SYT9: variants seen among roughly 807,000 people sequenced by gnomAD.
SYT9 encodes the protein synaptotagmin 9.
A neutral mutation model predicts 48.4 loss-of-function variants in SYT9; 22 were observed. The ratio of observed to expected loss-of-function variants is 0.45; its 90% confidence interval spans 0.32 to 0.65. SYT9 has a LOEUF of 0.65. Among genes scored for constraint, SYT9 ranks in the 30% least tolerant of loss-of-function variants. SYT9 has a pLI of 0.03. For synonymous variants in SYT9, 265 were observed against 245.0 expected, an observed-to-expected ratio of 1.08 and a Z score of -0.76; for missense variants, 577 against 622.0, an observed-to-expected ratio of 0.93 and a Z score of 0.77.
chr11:7,305,803 C>T (rs1057032126), intron 2 of SYT9, among the ~76,000 whole-genome samples: 1 of 152,120 alleles, frequency 6.6e-6, no homozygotes, highest in Non-Finnish European at 1.5e-5. Flanking sequence ...TCCCAGTGCA[C>T]GAAAGACACA....
chr11:7,391,755 A>AAAAAAAAAAAAAAAAAAAAAAAAC (rs1424552011), intron 3 of SYT9, among the ~76,000 whole-genome samples: 1 of 147,666 alleles, frequency 6.8e-6, no homozygotes, highest in Non-Finnish European at 1.5e-5. Context: ...AAAAAAAAAA[A>AAAAAAAAAAAAAAAAAAAAAAAAC]AAAAAAAAAA....
At chr11:7,421,563 G>A (rs1564898137) in intron 6 of SYT9, among the ~76,000 whole-genome samples, 1 of 152,108 alleles carries the variant, frequency 6.6e-6, no homozygotes, top group Non-Finnish European at 1.5e-5. Context: ...GAGTCAACCG[G>A]CCATCATTCT....
intron 1 of SYT9, among the ~76,000 whole-genome samples, chr11:7,294,245 G>A (rs778877241): frequency 6.6e-6 from 1 of 152,062 alleles, no homozygotes; most frequent in Non-Finnish European, 1.5e-5. Context: ...TATGAATTTG[G>A]GGGGGACACA....
At chr11:7,394,058 C>T (rs1379779979) in intron 3 of SYT9, among the ~76,000 whole-genome samples, 1 of 151,594 alleles carries the variant, frequency 6.6e-6, no homozygotes, top group Non-Finnish European at 1.5e-5. Flanking sequence ...TGTGCTGCAC[C>T]CATTAACTCA....
chr11:7,337,177 AT>A (rs1849644666), intron 3 of SYT9, among the ~76,000 whole-genome samples: 1 of 151,832 alleles, frequency 6.6e-6, no homozygotes, highest in African/African-American at 2.4e-5. Flanking sequence ...AATGTTAGTG[AT>A]TTTTATATGT....
At chr11:7,338,300 A>T (rs1013800731) in intron 3 of SYT9, among the ~76,000 whole-genome samples, 26 of 152,238 alleles carry the variant, frequency 1.7e-4, no homozygotes, top group African/African-American at 5.8e-4. Flanking sequence ...TTCAAAGAAC[A>T]AGCTCCTGGA....
chr11:7,410,452 A>G (rs1847115282), intron 3 of SYT9, among the ~76,000 whole-genome samples: 1 of 152,162 alleles, frequency 6.6e-6, no homozygotes, highest in African/African-American at 2.4e-5. Context: ...AATTTCCCCA[A>G]TATTATTTTA....
chr11:7,242,495 T>A (rs998817034), intron 1 of SYT9, among the ~76,000 whole-genome samples: 1 of 152,200 alleles, frequency 6.6e-6, no homozygotes, highest in African/African-American at 2.4e-5. Flanking sequence ...TTATAGAGAT[T>A]ATATGAGCTA....
intron 1 of SYT9, among the ~76,000 whole-genome samples, chr11:7,276,774 A>G (rs896773040): frequency 5.9e-5 from 9 of 152,188 alleles, no homozygotes; most frequent in African/African-American, 2.2e-4. Flanking sequence ...CCAGCCAGGC[A>G]CAGTGGCACA....
At chr11:7,331,185 G>C (rs933256712) in intron 3 of SYT9, among the ~76,000 whole-genome samples, 2 of 151,616 alleles carry the variant, frequency 1.3e-5, no homozygotes, top group Non-Finnish European at 2.9e-5. Flanking sequence ...GAAGTGTAAA[G>C]ATAAAACATT....
rs564002462 is a variant in SYT9 at position 7,308,471 on chromosome 11, TG to T, written c.498-4923del. On this transcript the variant is annotated intron_variant, in intron 2 of 6. Transcript: ENST00000318881. ...AGCCTGGACTCAGAGATGCAGTGGG[TG>T]TATATGAGGGACTCTAGAAAAAGCT... 3.8e-3 allele frequency among the ~76,000 whole-genome samples: 579 copies of T among 152,158 alleles called. 3 individuals are homozygous for T. The highest frequency in any genetic ancestry group is 6.9e-3 in the Non-Finnish European group (471 of 67,996).
chr11:7,350,376 A>G lies in SYT9; in HGVS notation c.1044+36435A>G, dbSNP rs144061785. Among the ~76,000 whole-genome samples, 894 of 152,334 alleles carry G rather than the reference A, an allele frequency of 5.9e-3. 3 individuals are homozygous for G. Among genetic ancestry groups the G allele is most frequent in the Non-Finnish European group, 8.5e-3 (580 of 68,026 alleles). On this transcript the variant is annotated intron_variant, in intron 3 of 6. Coordinates refer to ENST00000318881, the MANE Select transcript of SYT9 (RefSeq NM_175733.4). Reference sequence around the variant, plus strand: ...AAAGGAAAGACTAGCACTGTCTCCAACAACCCTCTTTGTCTACCCATCAGA... The same window carrying G: ...AAAGGAAAGACTAGCACTGTCTCCAGCAACCCTCTTTGTCTACCCATCAGA...
intron 3 of SYT9, among the ~76,000 whole-genome samples, chr11:7,317,496 TTC>T (rs1407505211): frequency 6.6e-6 from 1 of 152,130 alleles, no homozygotes; most frequent in African/African-American, 2.4e-5. Context: ...AGAGCTCTGG[TTC>T]TAGTCTCTCT....
intron 3 of SYT9, among the ~76,000 whole-genome samples, chr11:7,337,013 T>G (rs974581171): frequency 2.0e-5 from 3 of 152,300 alleles, no homozygotes; most frequent in South Asian, 4.1e-4. Context: ...GTGTCATCTC[T>G]GATTTCTTTG....
chr11:7,315,493 T>C (rs1408286917), intron 3 of SYT9, among the ~76,000 whole-genome samples: 2 of 152,214 alleles, frequency 1.3e-5, no homozygotes, highest in African/African-American at 4.8e-5. Flanking sequence ...TCAGGTATGG[T>C]AGGGAGGTGT....
At chr11:7,374,472 C>T (rs778627997) in intron 3 of SYT9, among the ~76,000 whole-genome samples, 4 of 152,136 alleles carry the variant, frequency 2.6e-5, no homozygotes, top group Non-Finnish European at 4.4e-5. Context: ...ATTTCTAGTT[C>T]TAGATCCTTG....
At chr11:7,430,508 T>C (rs528424114) in intron 6 of SYT9, among the ~76,000 whole-genome samples, 1 of 152,186 alleles carries the variant, frequency 6.6e-6, no homozygotes, top group Non-Finnish European at 1.5e-5. Flanking sequence ...TACATATTAA[T>C]AGTAAGTGTT....
intron 1 of SYT9, among the ~76,000 whole-genome samples, chr11:7,271,965 G>A (rs926198916): frequency 1.3e-5 from 2 of 152,182 alleles, no homozygotes; most frequent in Non-Finnish European, 2.9e-5. Flanking sequence ...AGAGCTTCAT[G>A]TATAAATTGG....
At chr11:7,246,242 C>T (rs1847789334) in intron 1 of SYT9, among the ~76,000 whole-genome samples, 1 of 152,162 alleles carries the variant, frequency 6.6e-6, no homozygotes, top group Non-Finnish European at 1.5e-5. Context: ...CACCAGTGGC[C>T]TAGTCCCTTA....
Sources: gnomAD v4.1 joint callset for allele counts (sites outside exome capture counted in the v4.1 genomes callset) on GRCh38, gnomAD v4.1.1 for gene constraint, MANE v1.5 for transcripts, NCBI Gene and HGNC (gene_info 2026-07-23, HGNC 2026-07-21) for gene names.